Variants in CSMD1 observed in about 807,000 individuals in gnomAD.
CSMD1 encodes the protein CUB and sushi domain-containing protein 1.
CSMD1 carries 213 observed loss-of-function variants against 417.5 expected under a neutral mutation model. That is an observed-to-expected ratio of 0.51 (90% CI 0.46 to 0.57). The LOEUF (loss-of-function observed/expected upper bound fraction) is 0.57. CSMD1 is among the 20% of genes least tolerant of loss of function. The probability of loss-of-function intolerance (pLI) is 0.00; values close to 1 mark genes in which losing one functional copy is unlikely to be tolerated. For synonymous variants in CSMD1, 2,862 were observed against 1,736.8 expected, an observed-to-expected ratio of 1.65 and a Z score of -16.11; for missense variants, 6,923 against 4,529.7, an observed-to-expected ratio of 1.53 and a Z score of -15.17.
chr8:3,255,995 G>A (rs540291437), intron 26 of CSMD1, among the ~76,000 whole-genome samples: 2 of 152,130 alleles, frequency 1.3e-5, no homozygotes, highest in Non-Finnish European at 2.9e-5. Context: ...GTTCCTATTC[G>A]GCCATCTTGG....
intron 4 of CSMD1, among the ~76,000 whole-genome samples, chr8:4,023,315 G>A (rs765161517): frequency 6.6e-6 from 1 of 152,132 alleles, no homozygotes; most frequent in Non-Finnish European, 1.5e-5. Flanking sequence ...CTTGAGCAAA[G>A]AGTATTTCTG....
intron 5 of CSMD1, among the ~76,000 whole-genome samples, chr8:3,991,226 C>T (rs1814722791): frequency 6.6e-6 from 1 of 152,144 alleles, no homozygotes; most frequent in African/African-American, 2.4e-5. Flanking sequence ...AGAAAGCCAC[C>T]AATCAAGTTA....
At chr8:2,994,630 T>C (rs1001339320) in intron 54 of CSMD1, among the ~76,000 whole-genome samples, 1 of 152,250 alleles carries the variant, frequency 6.6e-6, no homozygotes, top group East Asian at 1.9e-4. Context: ...AAGCCATCAA[T>C]GTTTTATCTT....
At chr8:3,816,294 C>T (rs1050349136) in intron 5 of CSMD1, among the ~76,000 whole-genome samples, 1 of 152,186 alleles carries the variant, frequency 6.6e-6, no homozygotes, top group African/African-American at 2.4e-5. Context: ...GTTCCTCATT[C>T]TCTGCAGTTT....
At chr8:4,711,874 G>C (rs1225843008) in intron 1 of CSMD1, among the ~76,000 whole-genome samples, 1 of 152,190 alleles carries the variant, frequency 6.6e-6, no homozygotes, top group Non-Finnish European at 1.5e-5. Context: ...AGATGGTGAT[G>C]ATGGCACAAA....
chr8:4,537,039 G>C (rs1214701048), intron 2 of CSMD1, among the ~76,000 whole-genome samples: 2 of 151,984 alleles, frequency 1.3e-5, no homozygotes, highest in African/African-American at 4.8e-5. Flanking sequence ...CATCAATAGT[G>C]GGTTATTTAA....
intron 3 of CSMD1, among the ~76,000 whole-genome samples, chr8:4,273,474 T>C (rs560268252): frequency 6.6e-6 from 1 of 152,252 alleles, no homozygotes; most frequent in South Asian, 2.1e-4. Context: ...TTATAATAAA[T>C]GCCTAATAAA....
chr8:3,729,949 A>C lies in CSMD1; in HGVS notation c.932-21458T>G, dbSNP rs1563318543. 5.4e-3 allele frequency among the ~76,000 whole-genome samples: 83 copies of C among 15,406 alleles called. 17 individuals carry two copies. Among genetic ancestry groups the C allele is most frequent in the Non-Finnish European group, 0.017 (58 of 3,392 alleles). The allele number at this position is 15,406 out of a possible 152,430, so 10.1% of individuals were successfully genotyped here. A position where few individuals can be genotyped will look rare whatever the true frequency, so the allele number is the denominator to read the frequency against. The stretch of plus-strand genomic sequence containing the variant: ...AAAAAAAAAAAAAAAAAAAAAAAAA[A>C]AAAAAAAAAAAACAAAAACAGAAGA... On this transcript the variant is annotated intron_variant, in intron 6 of 69. Coordinates refer to ENST00000635120, the MANE Select transcript of CSMD1 (RefSeq NM_033225.6).
intron 1 of CSMD1, among the ~76,000 whole-genome samples, chr8:4,686,210 G>A (rs1051549217): frequency 2.0e-5 from 3 of 152,216 alleles, no homozygotes; most frequent in Admixed American, 6.5e-5. Flanking sequence ...GAGTTAGTAA[G>A]GCTTTTCTTT....
Position 4,646,079 on chromosome 8 carries a change from A to C in CSMD1, c.86-8521T>G, listed in dbSNP as rs76202290. Among the ~76,000 whole-genome samples, 94 of 152,326 alleles carry C rather than the reference A, an allele frequency of 6.2e-4. No individual in the cohort carries two copies. In the East Asian group the frequency reaches 0.016, roughly 26 times the overall value. On this transcript the variant is annotated intron_variant, in intron 1 of 69. Transcript: ENST00000635120. ...TTGCCTGAAACAGGTGACAATCTAAACCTGAGTCTTCGCTTCAGAGACTTC... is the reference window on the plus strand; with the variant it reads ...TTGCCTGAAACAGGTGACAATCTAACCCTGAGTCTTCGCTTCAGAGACTTC...
chr8:4,110,394 A>C (rs1319851865), intron 3 of CSMD1, among the ~76,000 whole-genome samples: 1 of 152,172 alleles, frequency 6.6e-6, no homozygotes, highest in Non-Finnish European at 1.5e-5. Context: ...CAGCCAGCAG[A>C]AAGAGTCAAA....
Position 4,290,028 on chromosome 8 carries a change from C to A in CSMD1, c.415+129925G>T, listed in dbSNP as rs544392967. The stretch of plus-strand genomic sequence containing the variant: ...GTGCTAAGCACTCTGTGCACTGCAA[C>A]TGTTAAGGTTTAACCAGAACCAACA... On this transcript the variant is annotated intron_variant, in intron 3 of 69. Transcript: ENST00000635120. Among the ~76,000 whole-genome samples the A allele has an allele frequency of 7.9e-5, 12 of 152,324 alleles. 1 individual carries two copies. In the South Asian group the frequency reaches 1.5e-3, roughly 18 times the overall value.
chr8:3,114,711 T>A (rs1048172781), intron 42 of CSMD1, among the ~76,000 whole-genome samples: 1 of 152,120 alleles, frequency 6.6e-6, no homozygotes, highest in South Asian at 2.1e-4. Context: ...GCATTCTTTA[T>A]AGTTATTTTT....
chr8:4,990,737 G>A (rs768074866), intron 1 of CSMD1, among the ~76,000 whole-genome samples: 5 of 152,100 alleles, frequency 3.3e-5, no homozygotes, highest in Non-Finnish European at 7.3e-5. Context: ...GCTTCATCAG[G>A]AGGAAGGGTA....
chr8:4,524,099 A>C (rs911082173), intron 2 of CSMD1, among the ~76,000 whole-genome samples: 3 of 152,172 alleles, frequency 2.0e-5, no homozygotes, highest in Non-Finnish European at 2.9e-5. Flanking sequence ...GAATAGTCCC[A>C]AGAAAAAACT....
chr8:2,992,513 T>C (rs560897320), intron 54 of CSMD1, among the ~76,000 whole-genome samples: 1 of 152,160 alleles, frequency 6.6e-6, no homozygotes, highest in African/African-American at 2.4e-5. Context: ...AACCTCTGCC[T>C]TCTGGATTCA....
chr8:4,389,760 GCTT>G (rs1292514925), intron 3 of CSMD1, among the ~76,000 whole-genome samples: 2 of 151,850 alleles, frequency 1.3e-5, no homozygotes, highest in African/African-American at 4.8e-5. Context: ...TATATTGTTT[GCTT>G]CTTTATTTTT....
Position 3,018,458 on chromosome 8 carries a change from A to G in CSMD1, c.8029+19T>C, listed in dbSNP as rs747078638. 1.9e-5 allele frequency: 30 copies of G among 1,610,954 alleles called. No homozygotes were observed. In the East Asian group the frequency reaches 6.5e-4, roughly 35 times the overall value. ...GGTTTATCTGCATTAAGTAAGTGCC[A>G]GAACACAGATGAATTTACCCAGACA... On this transcript the variant is annotated intron_variant, in intron 52 of 69. Transcript: ENST00000635120.
At chr8:3,806,462 T>G (rs1206162337) in intron 5 of CSMD1, among the ~76,000 whole-genome samples, 1 of 152,220 alleles carries the variant, frequency 6.6e-6, no homozygotes, top group Non-Finnish European at 1.5e-5. Flanking sequence ...AATTTGAAGC[T>G]ATCAGCTTCT....
Sources: gnomAD v4.1 joint callset for allele counts (sites outside exome capture counted in the v4.1 genomes callset) on GRCh38, gnomAD v4.1.1 for gene constraint, MANE v1.5 for transcripts, NCBI Gene and HGNC (gene_info 2026-07-23, HGNC 2026-07-21) for gene names.